Variants in PIK3C2G observed in about 807,000 individuals in gnomAD.
PIK3C2G encodes phosphatidylinositol-4-phosphate 3-kinase catalytic subunit type 2 gamma.
In PIK3C2G, 168 loss-of-function variants were observed where a neutral mutation model predicts 181.1. The ratio of observed to expected loss-of-function variants is 0.93; its 90% CI spans 0.82 to 1.05. The LOEUF is 1.05. Among genes scored for constraint, PIK3C2G ranks in the 50% least tolerant of loss-of-function variants. PIK3C2G has a pLI of 0.00. For missense variants in PIK3C2G, 1,869 were observed against 1,732.8 expected (o/e 1.08, Z -1.40); for synonymous variants, 573 against 592.2 (o/e 0.97, Z 0.47).
chr12:18,383,783 G>C (rs1331336816), intron 14 of PIK3C2G, among the ~76,000 whole-genome samples: 1 of 151,422 alleles, frequency 6.6e-6, no homozygotes, highest in Non-Finnish European at 1.5e-5. Flanking sequence ...TCGGATATGT[G>C]AACACTTGTT....
At chr12:18,522,363 G>GT (rs1399813061) in intron 24 of PIK3C2G, among the ~76,000 whole-genome samples, 1 of 152,002 alleles carries the variant, frequency 6.6e-6, no homozygotes, top group Non-Finnish European at 1.5e-5. Context: ...GTTTTCATTT[G>GT]TTTTTTGTTA....
intron 24 of PIK3C2G, among the ~76,000 whole-genome samples, chr12:18,532,345 CCTT>C (rs1943601565): frequency 1.3e-5 from 2 of 152,008 alleles, no homozygotes; most frequent in African/African-American, 2.4e-5. Context: ...CTTTTCATCT[CCTT>C]ATTATTTTTC....
intron 31 of PIK3C2G, among the ~76,000 whole-genome samples, chr12:18,631,810 G>A (rs960776956): frequency 6.6e-6 from 1 of 152,164 alleles, no homozygotes; most frequent in Non-Finnish European, 1.5e-5. Flanking sequence ...ATCTGTTTTG[G>A]AACAGTGAGG....
chr12:18,699,436 G>A, the PIK3C2G span, among the ~76,000 whole-genome samples: 11 of 152,140 alleles, frequency 7.2e-5, no homozygotes, highest in Non-Finnish European at 1.5e-4. Flanking sequence ...CTTCTCCTGC[G>A]CACCTTCGCT....
chr12:18,413,869 A>C (rs1378564457), intron 16 of PIK3C2G, among the ~76,000 whole-genome samples: 3 of 152,154 alleles, frequency 2.0e-5, no homozygotes, highest in Non-Finnish European at 4.4e-5. Flanking sequence ...CAGTCTGTAA[A>C]TATCACACCA....
upstream of PIK3C2G, among the ~76,000 whole-genome samples, chr12:18,258,151 T>C (rs114215750): frequency 0.02 from 3,103 of 152,244 alleles, 104 homozygotes; most frequent in African/African-American, 0.071. Context: ...ATAATGAAAA[T>C]GACAGATGAT....
intron 24 of PIK3C2G, among the ~76,000 whole-genome samples, chr12:18,532,619 T>G (rs1450867078): frequency 2.6e-5 from 4 of 152,158 alleles, no homozygotes; most frequent in Non-Finnish European, 5.9e-5. Flanking sequence ...ACAAAATCAG[T>G]TGGGCATGTA....
intron 30 of PIK3C2G, among the ~76,000 whole-genome samples, chr12:18,608,118 A>C (rs1040006190): frequency 3.3e-5 from 5 of 152,092 alleles, no homozygotes; most frequent in African/African-American, 1.2e-4. Flanking sequence ...TGGGCTATAA[A>C]CTGGTTCAAC....
chr12:18,624,856 T>C (rs1015935054), intron 31 of PIK3C2G, among the ~76,000 whole-genome samples: 2 of 151,720 alleles, frequency 1.3e-5, no homozygotes, highest in African/African-American at 4.8e-5. Context: ...TTGTGATCTT[T>C]TGTATTCTTT....
chr12:18,290,788 G>A lies in PIK3C2G; in HGVS notation c.762-67G>A. The A allele has an allele frequency of 4.2e-6, 4 of 951,140 alleles. No homozygotes were observed. In the South Asian group the frequency reaches 6.0e-5, roughly 14 times the overall value. 58.9% of individuals were successfully genotyped at this position (951,140 alleles called of 1,614,324 possible). On this transcript the variant is annotated intron_variant, in intron 3 of 32. Transcript: ENST00000538779. The stretch of plus-strand genomic sequence containing the variant: ...GAAGTTTCTTAAAATTACATTGTGG[G>A]CAATATGTTTTAAACTGTGTCTTGC...
chr12:18,669,545 A>G, the PIK3C2G span, among the ~76,000 whole-genome samples: 301 of 152,318 alleles, frequency 2.0e-3, no homozygotes, highest in Non-Finnish European at 2.3e-3. Flanking sequence ...TGGAGGCTGG[A>G]AAGTCCAATC....
intron 1 of PIK3C2G, among the ~76,000 whole-genome samples, chr12:18,254,503 A>G (rs1948124637): frequency 6.6e-6 from 1 of 152,020 alleles, no homozygotes; most frequent in Non-Finnish European, 1.5e-5. Context: ...TTTAATATCA[A>G]GTTTTTGTAA....
In PIK3C2G at chr12:18,487,206, G is replaced by T. The variant is rs191645543; in HGVS notation, c.2505-1243G>T. Among the ~76,000 whole-genome samples the T allele has an allele frequency of 5.5e-3, 841 of 151,560 alleles. 5 individuals carry two copies. The highest frequency in any genetic ancestry group is 0.019 in the African/African-American group (796 of 41,326). Reference sequence around the variant, plus strand: ...TTGTATTTCCTTTGAGAAAATAAAAGAGGTACTAGAAGACAAGTTGGCTTC... The same window carrying T: ...TTGTATTTCCTTTGAGAAAATAAAATAGGTACTAGAAGACAAGTTGGCTTC... On this transcript the variant is annotated intron_variant, in intron 18 of 32. Transcript: ENST00000538779.
chr12:18,559,396 C>T (rs776747266), intron 26 of PIK3C2G, among the ~76,000 whole-genome samples: 6 of 151,928 alleles, frequency 3.9e-5, no homozygotes, highest in Non-Finnish European at 4.4e-5. Flanking sequence ...AGCATTTGGA[C>T]AGAAGGAAGC....
At chr12:18,690,494 G>A in the PIK3C2G span, among the ~76,000 whole-genome samples, 1 of 152,012 alleles carries the variant, frequency 6.6e-6, no homozygotes, top group Non-Finnish European at 1.5e-5. Flanking sequence ...CAAAGTGATG[G>A]GATTACAGAT....
upstream of PIK3C2G, among the ~76,000 whole-genome samples, chr12:18,260,312 T>C (rs1326681020): frequency 2.0e-5 from 3 of 152,096 alleles, no homozygotes. Context: ...AGCATAAATG[T>C]ATTTGGAAAA....
At chr12:18,725,930 A>G in the PIK3C2G span, among the ~76,000 whole-genome samples, 3 of 152,094 alleles carry the variant, frequency 2.0e-5, no homozygotes, top group African/African-American at 7.2e-5. Flanking sequence ...CTGGGTTCTT[A>G]GAAGACTCCA....
chr12:18,533,238 T>A (rs975084255), intron 24 of PIK3C2G, among the ~76,000 whole-genome samples: 5 of 152,064 alleles, frequency 3.3e-5, no homozygotes, highest in African/African-American at 1.2e-4. Flanking sequence ...CAGAAATGAG[T>A]ACCCTCATTT....
At chr12:18,332,529 C>T (rs1443205505) in intron 8 of PIK3C2G, among the ~76,000 whole-genome samples, 2 of 152,070 alleles carry the variant, frequency 1.3e-5, no homozygotes, top group Non-Finnish European at 2.9e-5. Flanking sequence ...GTTTATTGCT[C>T]CTTATCCCTG....
Sources: allele counts gnomAD v4.1 joint callset (sites outside exome capture counted in the v4.1 genomes callset), GRCh38; gene constraint gnomAD v4.1.1; transcripts MANE v1.5; gene names NCBI Gene and HGNC (gene_info 2026-07-23, HGNC 2026-07-21).